The following LOXHD1 variants were observed in gnomAD, a reference collection of about 807,000 sequenced individuals.
LOXHD1 encodes the protein lipoxygenase homology PLAT domains 1.
In LOXHD1, 205 loss-of-function variants were observed where a neutral mutation model predicts 248.2. That is an observed-to-expected ratio of 0.83 (90% CI 0.74 to 0.93). LOXHD1 has a LOEUF of 0.93. LOXHD1 is among the 40% of genes least tolerant of loss of function. The pLI is 0.00. For missense variants in LOXHD1, 2,930 were observed against 2,971.6 expected (o/e 0.99, Z 0.33); for synonymous variants, 1,113 against 1,162.8 (o/e 0.96, Z 0.87).
In LOXHD1 at chr18:46,505,909, T is replaced by C; in HGVS notation, c.5807A>G (p.Asp1936Gly). The change falls in exon 37 of 41, where the codon GAC becomes GGC. Residue 1936 changes from aspartate to glycine, a missense_variant. Asp to Gly is a moderately conservative substitution (Grantham distance 94, BLOSUM62 -1). Coordinates refer to ENST00000642948, the MANE Select transcript of LOXHD1 (RefSeq NM_001384474.1). ...CAGCATGTCAGGGAAGTTGAATGTG[T>C]CCGTGTTGTTCCGCTCAAACTTGTT... ...NWNKFERNNTDTFNFPDMLSL... is the reference protein window; with the variant it reads ...NWNKFERNNTGTFNFPDMLSL... 6.4e-7 allele frequency: 1 copy of C among 1,551,882 alleles called. No homozygotes were observed. Among genetic ancestry groups the C allele is most frequent in the Non-Finnish European group, 8.7e-7 (1 of 1,147,028 alleles).
intron 28 of LOXHD1, among the ~76,000 whole-genome samples, chr18:46,529,904 G>A (rs1467264991): frequency 1.3e-5 from 2 of 152,120 alleles, no homozygotes; most frequent in Non-Finnish European, 2.9e-5. Flanking sequence ...TGTGACTGCC[G>A]CCCTCTCCTT....
intron 7 of LOXHD1, among the ~76,000 whole-genome samples, chr18:46,603,896 G>A (rs557651956): frequency 2.6e-5 from 4 of 152,328 alleles, no homozygotes; most frequent in African/African-American, 9.6e-5. Flanking sequence ...GTTAGTATCT[G>A]CTTAGCAGCA....
At chr18:46,585,025 T>TA (rs1173266436) in intron 12 of LOXHD1, among the ~76,000 whole-genome samples, 4 of 152,030 alleles carry the variant, frequency 2.6e-5, no homozygotes, top group Non-Finnish European at 4.4e-5. Flanking sequence ...CTTTCATGAT[T>TA]AAAAAAACCC....
Position 46,477,531 on chromosome 18 carries a change from A to G in LOXHD1, c.6763T>C (p.Trp2255Arg). Residue 2255 changes from tryptophan to arginine, a missense_variant, in exon 41 of 41, where the codon TGG becomes CGG. By Grantham distance (101) the Trp-to-Arg change is moderately radical. Coordinates refer to ENST00000642948, the MANE Select transcript of LOXHD1 (RefSeq NM_001384474.1). The stretch of plus-strand genomic sequence containing the variant: ...CCATCCCCCCGCTTCTTGTCCAGCC[A>G]CCTGCCACAGTTGAAGATGGTGGCC... ...GVATIFNCGRWLDKKRGDGLT... is the reference protein window; with the variant it reads ...GVATIFNCGRRLDKKRGDGLT... The G allele has an allele frequency of 6.4e-7, 1 of 1,550,682 alleles. No individual in the cohort carries two copies. The highest frequency in any genetic ancestry group is 8.7e-7 in the Non-Finnish European group (1 of 1,146,930).
At chr18:46,636,030 G>C (rs1828962) in intron 4 of LOXHD1, among the ~76,000 whole-genome samples, 3,714 of 152,210 alleles carry the variant, frequency 0.024, 136 homozygotes, top group African/African-American at 0.077. Context: ...CAAATGTAGC[G>C]ATTTCCACCA....
chr18:46,587,629 A>G (rs2038086685), intron 12 of LOXHD1, among the ~76,000 whole-genome samples: 1 of 152,204 alleles, frequency 6.6e-6, no homozygotes, highest in African/African-American at 2.4e-5. Context: ...CTTTAAAGAG[A>G]TGGGTAAGTA....
intron 25 of LOXHD1, 124 bp from the exon 26 acceptor site, chr18:46,538,461 G>A: frequency 3.1e-6 from 3 of 970,506 alleles, no homozygotes; most frequent in Non-Finnish European, 4.6e-6. Context: ...TGCTGCCCGG[G>A]GAACTGCTGC....
intron 38 of LOXHD1, among the ~76,000 whole-genome samples, chr18:46,487,790 G>A (rs749712479): frequency 6.6e-6 from 1 of 152,242 alleles, no homozygotes; most frequent in Non-Finnish European, 1.5e-5. Flanking sequence ...GGAGAAGAGA[G>A]AAAGAGACGT....
At position 46,557,451 on chromosome 18, in the gene LOXHD1, G is replaced by A. The variant is rs1431158268; in HGVS notation, c.3255C>T (p.Ala1085=). ...CGTGGCGAATCCGAATCTTGGTCAG[G>A]GCCCCCAGGTCAATGGCATAGATGG... ...TFTIYAIDLG[A]LTKIRIRHDN... Residue 1085 remains alanine, a synonymous_variant, in exon 21 of 41, where the codon GCC becomes GCT. Transcript: ENST00000642948. 1.3e-6 allele frequency: 2 copies of A among 1,552,020 alleles called. No individual in the cohort carries two copies. Among genetic ancestry groups the A allele is most frequent in the Admixed American group, 2.0e-5 (1 of 51,000 alleles).
chr18:46,629,380 T>C (rs1163153584), intron 4 of LOXHD1, among the ~76,000 whole-genome samples: 1 of 152,254 alleles, frequency 6.6e-6, no homozygotes, highest in Non-Finnish European at 1.5e-5. Context: ...TTCTGGCTTC[T>C]TGACAGAGCC....
chr18:46,518,330 C>T, intron 33 of LOXHD1, 74 bp from the exon 34 acceptor site: 1 of 1,500,280 alleles, frequency 6.7e-7, no homozygotes, highest in Non-Finnish European at 9.0e-7. Flanking sequence ...TCAGTCTCAC[C>T]AGAGAAAGAG....
chr18:46,597,940 T>G (rs1018341222), intron 8 of LOXHD1, among the ~76,000 whole-genome samples: 9 of 151,546 alleles, frequency 5.9e-5, no homozygotes, highest in African/African-American at 2.2e-4. Flanking sequence ...TTTTTTTTTT[T>G]TTTTTTTTAG....
At chr18:46,653,223 G>C (rs1472076935) in intron 1 of LOXHD1, among the ~76,000 whole-genome samples, 1 of 152,136 alleles carries the variant, frequency 6.6e-6, no homozygotes, top group Non-Finnish European at 1.5e-5. Context: ...CTCCAGCCTG[G>C]GTGACAGAGC....
intron 12 of LOXHD1, among the ~76,000 whole-genome samples, chr18:46,589,576 G>A (rs1346157886): frequency 2.0e-5 from 3 of 152,148 alleles, no homozygotes; most frequent in Admixed American, 2.0e-4. Context: ...ATATTACCAG[G>A]AATAGCCCTC....
chr18:46,639,178 T>A (rs1213455344), intron 4 of LOXHD1, among the ~76,000 whole-genome samples: 2 of 152,200 alleles, frequency 1.3e-5, no homozygotes, highest in Non-Finnish European at 2.9e-5. Flanking sequence ...CATGATGAGC[T>A]CTGGCTGCTG....
At chr18:46,567,037 A>G (rs1461550596) in intron 16 of LOXHD1, among the ~76,000 whole-genome samples, 1 of 152,200 alleles carries the variant, frequency 6.6e-6, no homozygotes, top group Admixed American at 6.5e-5. Context: ...ATAACACTCT[A>G]TAATTGCTTT....
At chr18:46,538,900 C>T (rs1755245409) in intron 25 of LOXHD1, among the ~76,000 whole-genome samples, 1 of 152,186 alleles carries the variant, frequency 6.6e-6, no homozygotes, top group South Asian at 2.1e-4. Flanking sequence ...CTGCCCCAAC[C>T]CATCCACCTC....
At chr18:46,581,990 TA>T (rs1335668283) in intron 12 of LOXHD1, among the ~76,000 whole-genome samples, 1 of 152,134 alleles carries the variant, frequency 6.6e-6, no homozygotes, top group East Asian at 1.9e-4. Flanking sequence ...TCCCAGAATA[TA>T]AAATACTACA....
chr18:46,612,199 C>G (rs1568216463), intron 5 of LOXHD1, among the ~76,000 whole-genome samples: 2 of 152,172 alleles, frequency 1.3e-5, no homozygotes, highest in Non-Finnish European at 2.9e-5. Context: ...AAAATGGACT[C>G]TTCTGTACCT....
Sources: allele counts gnomAD v4.1 joint callset (sites outside exome capture counted in the v4.1 genomes callset), GRCh38; gene constraint gnomAD v4.1.1; transcripts MANE v1.5; gene names NCBI Gene and HGNC (gene_info 2026-07-23, HGNC 2026-07-21).